The following HMOX2 variants were observed in gnomAD, a reference collection of about 807,000 sequenced individuals.
HMOX2 encodes heme oxygenase (decycling) 2.
In HMOX2, 30 loss-of-function variants were observed where a neutral mutation model predicts 33.7. That is an observed-to-expected ratio of 0.89 (90% CI 0.67 to 1.21). The LOEUF (loss-of-function observed/expected upper bound fraction) is 1.21, where lower values mean the gene tolerates loss of function less well. HMOX2 is among the 50% of genes most tolerant of loss of function. The probability of loss-of-function intolerance (pLI) is 0.00; values close to 1 mark genes in which losing one functional copy is unlikely to be tolerated. For synonymous variants in HMOX2, 155 were observed against 155.0 expected (o/e 1.00, Z 0.00); for missense variants, 403 against 399.1 (o/e 1.01, Z -0.08).
intron 1 of HMOX2, among the ~76,000 whole-genome samples, chr16:4,500,503 G>A (rs2058531692): frequency 6.6e-6 from 1 of 152,156 alleles, no homozygotes. Context: ...GAGTCAGTCT[G>A]CTGTTGCTTA....
intron 1 of HMOX2, among the ~76,000 whole-genome samples, chr16:4,491,346 T>C (rs1030144354): frequency 2.0e-5 from 3 of 152,180 alleles, no homozygotes; most frequent in African/African-American, 7.2e-5. Flanking sequence ...CCCTTAGGTC[T>C]TTTGCAGAAT....
intron 1 of HMOX2, among the ~76,000 whole-genome samples, chr16:4,477,070 G>T (rs2057872848): frequency 1.3e-5 from 2 of 152,174 alleles, no homozygotes; most frequent in African/African-American, 2.4e-5. Context: ...TCAAGTGTGG[G>T]GGCAGCCGGT....
upstream of HMOX2, chr16:4,476,206 CTAGTGT>C (rs1487036922): frequency 6.6e-6 from 1 of 152,356 alleles, no homozygotes; most frequent in Admixed American, 6.5e-5. Flanking sequence ...CTTGTGAACA[CTAGTGT>C]TCCTGCCGAA....
At position 4,501,632 on chromosome 16, in the gene HMOX2, A is replaced by G. The variant is rs554749913; in HGVS notation, c.-41-3852A>G. 7.5e-4 allele frequency among the ~76,000 whole-genome samples: 114 copies of G among 152,328 alleles called. 1 individual carries two copies. The South Asian group carries it at 0.023, about 30-fold the overall frequency. On this transcript the variant is annotated intron_variant, in intron 1 of 5. Transcript: ENST00000570646. ...TGTGGATATTAGACATTGAAGTCTA[A>G]AAAGGTTCTATATTTATGATTTGGC...
At position 4,510,144 on chromosome 16, in the gene HMOX2, G is replaced by A. The variant is rs946142416; in HGVS notation, c.*388G>A. On this transcript the variant is annotated 3_prime_UTR_variant, in exon 6 of 6. Transcript: ENST00000570646. ...CAAGCTGTGCGAGGGGGCCTTGCTGGATGCTGCTGTACAACTTCTGGGCCT... is the reference window on the plus strand; with the variant it reads ...CAAGCTGTGCGAGGGGGCCTTGCTGAATGCTGCTGTACAACTTCTGGGCCT... 4 of 211,886 alleles carry A rather than the reference G, an allele frequency of 1.9e-5. No homozygotes were observed. The highest frequency in any genetic ancestry group is 3.8e-5 in the Non-Finnish European group (4 of 104,268). 13.1% of individuals were successfully genotyped at this position (211,886 alleles called of 1,614,324 possible).
At chr16:4,507,389 G>A (rs1465030764) in intron 3 of HMOX2, among the ~76,000 whole-genome samples, 1 of 151,656 alleles carries the variant, frequency 6.6e-6, no homozygotes, top group African/African-American at 2.4e-5. Context: ...AGGTTACAGT[G>A]AGCCGAGATC....
In HMOX2 at chr16:4,477,297, G is replaced by A. The variant is rs529634380; in HGVS notation, c.-42+810G>A. On this transcript the variant is annotated intron_variant, in intron 1 of 5. Transcript: ENST00000570646. Reference sequence around the variant, plus strand: ...GCGGATTGCTTGAGGTCAGGAGTCCGAGACCAGCCTGGCCAACATAGTGAA... The same window carrying A: ...GCGGATTGCTTGAGGTCAGGAGTCCAAGACCAGCCTGGCCAACATAGTGAA... 2.0e-5 allele frequency among the ~76,000 whole-genome samples: 3 copies of A among 151,836 alleles called. No individual in the cohort carries two copies. In the East Asian group the frequency reaches 5.8e-4, roughly 30 times the overall value.
intron 1 of HMOX2, among the ~76,000 whole-genome samples, chr16:4,493,520 G>A (rs2058350469): frequency 6.6e-6 from 1 of 152,174 alleles, no homozygotes; most frequent in South Asian, 2.1e-4. Context: ...AAATTAAGTA[G>A]CTGGCCCAAG....
At chr16:4,499,309 T>C (rs927610572) in intron 1 of HMOX2, among the ~76,000 whole-genome samples, 1 of 152,248 alleles carries the variant, frequency 6.6e-6, no homozygotes, top group Non-Finnish European at 1.5e-5. Context: ...TTATGCACGA[T>C]GGAATACTAC....
chr16:4,508,339 C>G lies in HMOX2; in HGVS notation c.696+135C>G. On this transcript the variant is annotated intron_variant, in intron 4 of 5. Coordinates refer to ENST00000570646, the MANE Select transcript of HMOX2 (RefSeq NM_002134.4). Reference sequence around the variant, plus strand: ...CAGGGTGCCGAGAGGAAGGTGGCCACCAGATTGGCCACCAGAGCTTGTGGG... The same window carrying G: ...CAGGGTGCCGAGAGGAAGGTGGCCAGCAGATTGGCCACCAGAGCTTGTGGG... 3 of 993,922 alleles carry G rather than the reference C, an allele frequency of 3.0e-6. No homozygotes were observed. The South Asian group carries it at 5.1e-5, about 17-fold the overall frequency. The allele number at this position is 993,922 out of a possible 1,614,324, so 61.6% of individuals were successfully genotyped here.
chr16:4,505,411 A>G, intron 1 of HMOX2, 73 bp from the exon 2 acceptor site: 1 of 692,584 alleles, frequency 1.4e-6, no homozygotes, highest in Non-Finnish European at 2.5e-6. Context: ...GCTCTGAGGA[A>G]AGCAGAACCG....
chr16:4,500,562 G>A (rs1319136396), intron 1 of HMOX2, among the ~76,000 whole-genome samples: 1 of 152,098 alleles, frequency 6.6e-6, no homozygotes, highest in African/African-American at 2.4e-5. Context: ...CTTCAGTTCA[G>A]GTTTCTCCAG....
In HMOX2 at chr16:4,510,100, G is replaced by A. The variant is rs2058800339; in HGVS notation, c.*344G>A. 1 of 283,982 alleles carries A rather than the reference G, an allele frequency of 3.5e-6. No individual in the cohort carries two copies. Among genetic ancestry groups the A allele is most frequent in the African/African-American group, 2.1e-5 (1 of 46,672 alleles). The allele number at this position is 283,982 out of a possible 1,614,324, so 17.6% of individuals were successfully genotyped here. On this transcript the variant is annotated 3_prime_UTR_variant, in exon 6 of 6. Transcript: ENST00000570646. Reference sequence around the variant, plus strand: ...ATGGGTGACTATCTCCCCTGTTGGAGGTGAGTGGCCTGTAAGTCCAAGCTG... The same window carrying A: ...ATGGGTGACTATCTCCCCTGTTGGAAGTGAGTGGCCTGTAAGTCCAAGCTG...
At chr16:4,476,870 C>A (rs1053108220) in intron 1 of HMOX2, among the ~76,000 whole-genome samples, 2 of 152,192 alleles carry the variant, frequency 1.3e-5, no homozygotes, top group African/African-American at 2.4e-5. Flanking sequence ...CTGGGGGCGT[C>A]GGCGGTGCAG....
At position 4,492,251 on chromosome 16, in the gene HMOX2, C is replaced by T. The variant is rs1458115727; in HGVS notation, c.-41-13233C>T. ...TGGAAGGATGAATTGGGAGGATCGC[C>T]TGATCCCAGGAGGTAGAGACTGCAG... On this transcript the variant is annotated intron_variant, in intron 1 of 5. Coordinates refer to ENST00000570646, the MANE Select transcript of HMOX2 (RefSeq NM_002134.4). 2.6e-5 allele frequency among the ~76,000 whole-genome samples: 4 copies of T among 151,890 alleles called. 1 individual carries two copies. Among genetic ancestry groups the T allele is most frequent in the Non-Finnish European group, 4.4e-5 (3 of 67,980 alleles).
At chr16:4,509,594 C>G (rs774910547) in intron 5 of HMOX2, 35 bp from the exon 6 acceptor site, 1 of 1,613,828 alleles carries the variant, frequency 6.2e-7, no homozygotes, top group South Asian at 1.1e-5. Context: ...GGAGACTCCA[C>G]TGATGCCATG....
intron 1 of HMOX2, among the ~76,000 whole-genome samples, chr16:4,484,680 C>T (rs17887260): frequency 9.3e-4 from 141 of 151,982 alleles, no homozygotes; most frequent in African/African-American, 3.1e-3. Flanking sequence ...AGGCTGGTCT[C>T]GAACTCCTGA....
intron 1 of HMOX2, among the ~76,000 whole-genome samples, chr16:4,484,683 A>T (rs2058122483): frequency 6.6e-6 from 1 of 151,046 alleles, no homozygotes; most frequent in Non-Finnish European, 1.5e-5. Flanking sequence ...CTGGTCTCGA[A>T]CTCCTGACTT....
At chr16:4,497,697 C>T (rs146062925) in intron 1 of HMOX2, among the ~76,000 whole-genome samples, 2 of 152,252 alleles carry the variant, frequency 1.3e-5, no homozygotes, top group South Asian at 2.1e-4. Context: ...CACTTCTCTT[C>T]TCCAGTAAAA....
Sources: allele counts gnomAD v4.1 joint callset (sites outside exome capture counted in the v4.1 genomes callset), GRCh38; gene constraint gnomAD v4.1.1; transcripts MANE v1.5; gene names NCBI Gene and HGNC (gene_info 2026-07-23, HGNC 2026-07-21).